Variants in CSMD3 observed in about 807,000 individuals in gnomAD.
CSMD3 encodes the protein CUB and Sushi multiple domains 3.
A neutral mutation model predicts 435.2 loss-of-function variants in CSMD3; 177 were observed. The observed-to-expected ratio is 0.41, with a 90% CI of 0.36 to 0.46. The LOEUF (loss-of-function observed/expected upper bound fraction) is 0.46. Ranked by LOEUF, CSMD3 falls within the 20% of genes least tolerant of loss-of-function variation. CSMD3 has a pLI of 0.34. For missense variants in CSMD3, 4,265 were observed against 4,504.6 expected (o/e 0.95, Z 1.52); for synonymous variants, 1,656 against 1,520.5 (o/e 1.09, Z -2.07).
intron 45 of CSMD3, among the ~76,000 whole-genome samples, chr8:112,330,391 A>G (rs918824019): frequency 6.6e-6 from 1 of 152,130 alleles, no homozygotes; most frequent in African/African-American, 2.4e-5. Context: ...TCCACTTACA[A>G]AGTGAATTTC....
chr8:113,162,851 CAT>C (rs1246690196), intron 4 of CSMD3, among the ~76,000 whole-genome samples: 3 of 152,058 alleles, frequency 2.0e-5, no homozygotes, highest in Admixed American at 1.3e-4. Flanking sequence ...ACAGTATAAA[CAT>C]ATAAGTTATT....
intron 5 of CSMD3, among the ~76,000 whole-genome samples, chr8:113,040,848 A>G (rs970217929): frequency 1.2e-4 from 18 of 152,106 alleles, no homozygotes; most frequent in African/African-American, 4.3e-4. Flanking sequence ...TAGAAGACCA[A>G]TAACTTGCTC....
At chr8:113,153,078 AAG>A (rs1313751876) in intron 4 of CSMD3, among the ~76,000 whole-genome samples, 1 of 83,814 alleles carries the variant, frequency 1.2e-5, no homozygotes, top group Non-Finnish European at 2.0e-5. Flanking sequence ...AAGAAAGAAA[AAG>A]AAAGAAAGAA....
At chr8:113,088,549 T>C (rs530376773) in intron 5 of CSMD3, among the ~76,000 whole-genome samples, 2 of 151,888 alleles carry the variant, frequency 1.3e-5, no homozygotes, top group Admixed American at 6.6e-5. Context: ...GATAAGTTCA[T>C]GTCCTTTGTA....
rs1818396540 is a variant in CSMD3 at position 112,470,337 on chromosome 8, T to C, written c.5395+2254A>G. Among the ~76,000 whole-genome samples the C allele has an allele frequency of 2.0e-5, 3 of 152,266 alleles. No homozygotes were observed. In the South Asian group the frequency reaches 6.2e-4, roughly 32 times the overall value. On this transcript the variant is annotated intron_variant, in intron 32 of 70. Transcript: ENST00000297405. ...AAGAGGGGATAGGGGAAGTTTTATA[T>C]GAATGTGAACATAAAGAAGAATGTG... is the stretch of plus-strand genomic sequence containing the variant.
At chr8:112,985,284 T>C (rs2085213836) in intron 6 of CSMD3, among the ~76,000 whole-genome samples, 1 of 151,772 alleles carries the variant, frequency 6.6e-6, no homozygotes, top group Non-Finnish European at 1.5e-5. Flanking sequence ...GGTAGCAGAT[T>C]AGAAAAAGGT....
intron 13 of CSMD3, among the ~76,000 whole-genome samples, chr8:112,691,162 T>C (rs1241670316): frequency 6.6e-6 from 1 of 152,164 alleles, no homozygotes; most frequent in Non-Finnish European, 1.5e-5. Context: ...TTCTCCTTTT[T>C]AACCAAACAC....
intron 10 of CSMD3, among the ~76,000 whole-genome samples, chr8:112,876,527 T>A (rs1033071397): frequency 1.3e-5 from 2 of 152,158 alleles, no homozygotes; most frequent in African/African-American, 4.8e-5. Context: ...GCTGGTTCAA[T>A]ATATGCAAAT....
chr8:113,142,394 A>G (rs141406215), intron 4 of CSMD3, among the ~76,000 whole-genome samples: 216 of 151,424 alleles, frequency 1.4e-3, no homozygotes, highest in African/African-American at 5.1e-3. Context: ...AGTAATCACA[A>G]TTGTGTGGTA....
chr8:112,248,733 A>G (rs1282084531), intron 63 of CSMD3, among the ~76,000 whole-genome samples: 1 of 152,088 alleles, frequency 6.6e-6, no homozygotes, highest in East Asian at 1.9e-4. Context: ...ACCATTTTTC[A>G]TATTGTTATT....
intron 13 of CSMD3, among the ~76,000 whole-genome samples, chr8:112,768,096 ATGT>A (rs2078024352): frequency 6.6e-6 from 1 of 151,660 alleles, no homozygotes; most frequent in East Asian, 1.9e-4. Flanking sequence ...CATATAGTTT[ATGT>A]TCTTCTTTCT....
At chr8:113,137,553 G>C (rs1329666818) in intron 4 of CSMD3, among the ~76,000 whole-genome samples, 1 of 151,468 alleles carries the variant, frequency 6.6e-6, no homozygotes, top group African/African-American at 2.4e-5. Context: ...TCCAGTATCT[G>C]GGCACCAGCA....
intron 10 of CSMD3, among the ~76,000 whole-genome samples, chr8:112,912,079 A>G (rs966526582): frequency 6.8e-6 from 1 of 147,710 alleles, no homozygotes; most frequent in African/African-American, 2.4e-5. Context: ...AAGATCAAGG[A>G]GTTTTATATA....
At chr8:113,271,237 A>T (rs2093523175) in intron 3 of CSMD3, among the ~76,000 whole-genome samples, 1 of 152,220 alleles carries the variant, frequency 6.6e-6, no homozygotes, top group Admixed American at 6.5e-5. Context: ...AGCTGGCTGC[A>T]GAAATTTGCT....
chr8:112,259,947 G>C (rs1165221796), intron 61 of CSMD3, among the ~76,000 whole-genome samples: 1 of 152,052 alleles, frequency 6.6e-6, no homozygotes, highest in Non-Finnish European at 1.5e-5. Flanking sequence ...AAAGGAGGGA[G>C]ACTTAACCAC....
intron 6 of CSMD3, among the ~76,000 whole-genome samples, chr8:112,986,932 TATAG>T (rs1249679861): frequency 1.3e-5 from 2 of 152,048 alleles, no homozygotes; most frequent in African/African-American, 4.8e-5. Flanking sequence ...AAGATATAAA[TATAG>T]ATAGTTTCTA....
chr8:112,374,398 A>T (rs969633314), intron 38 of CSMD3, among the ~76,000 whole-genome samples: 2 of 152,034 alleles, frequency 1.3e-5, no homozygotes, highest in Non-Finnish European at 2.9e-5. Context: ...ATTTACAATT[A>T]TAATTTTAAT....
chr8:112,992,429 G>A (rs1001767758), intron 6 of CSMD3, among the ~76,000 whole-genome samples: 5 of 151,718 alleles, frequency 3.3e-5, no homozygotes, highest in African/African-American at 1.2e-4. Flanking sequence ...CCCTGATTGT[G>A]AATATCCGGG....
chr8:112,987,780 G>C (rs1309892019), intron 6 of CSMD3, among the ~76,000 whole-genome samples: 3 of 152,032 alleles, frequency 2.0e-5, no homozygotes, highest in Admixed American at 6.6e-5. Context: ...ACAGAGGCCT[G>C]ATTGCCTCCA....
Sources: allele counts gnomAD v4.1 joint callset (sites outside exome capture counted in the v4.1 genomes callset), GRCh38; gene constraint gnomAD v4.1.1; transcripts MANE v1.5; gene names NCBI Gene and HGNC (gene_info 2026-07-23, HGNC 2026-07-21).